Variants in C1QTNF7 observed in about 807,000 individuals in gnomAD.
C1QTNF7 encodes the protein complement C1q tumor necrosis factor-related protein 7.
A neutral mutation model predicts 19.6 loss-of-function variants in C1QTNF7; 15 were observed. The ratio of observed to expected loss-of-function variants is 0.76; its 90% CI spans 0.51 to 1.18. C1QTNF7 has a LOEUF of 1.18. Ranked by LOEUF, C1QTNF7 falls within the 50% of genes most tolerant of loss-of-function variation. The pLI, the probability that C1QTNF7 is intolerant of heterozygous loss-of-function variation, is 0.00. For synonymous variants in C1QTNF7, 142 were observed against 137.5 expected, an observed-to-expected ratio of 1.03 and a Z score of -0.23; for missense variants, 324 against 359.7, an observed-to-expected ratio of 0.90 and a Z score of 0.80.
intron 1 of C1QTNF7, among the ~76,000 whole-genome samples, chr4:15,414,409 A>G: frequency 6.6e-6 from 1 of 152,200 alleles, no homozygotes; most frequent in East Asian, 1.9e-4. Flanking sequence ...ACTTTTACAC[A>G]CACTATAACC....
At chr4:15,374,877 T>C in intron 1 of C1QTNF7, 1 of 565,874 alleles carries the variant, frequency 1.8e-6, no homozygotes, top group Non-Finnish European at 2.2e-6. Flanking sequence ...CTCTCTTTTT[T>C]TTTATGATGT....
rs907307451 is a variant in C1QTNF7, at chr4:15,444,827, T to C, written c.*2028T>C. The C allele has an allele frequency of 1.3e-5, 2 of 152,158 alleles. No individual in the cohort carries two copies. Among genetic ancestry groups the C allele is most frequent in the African/African-American group, 4.8e-5 (2 of 41,402 alleles). 9.4% of individuals were successfully genotyped at this position (152,158 alleles called of 1,614,324 possible). On this transcript the variant is annotated 3_prime_UTR_variant, in exon 3 of 3. Coordinates refer to ENST00000444304, the MANE Select transcript of C1QTNF7 (RefSeq NM_031911.5). Reference sequence around the variant, plus strand: ...AGCGCACTTGAGACAGAGGTAATGATGGGGACGAAGTGAGAACAGAGACCC... The same window carrying C: ...AGCGCACTTGAGACAGAGGTAATGACGGGGACGAAGTGAGAACAGAGACCC...
chr4:15,433,218 A>G (rs529183676), intron 1 of C1QTNF7, among the ~76,000 whole-genome samples: 3 of 152,022 alleles, frequency 2.0e-5, no homozygotes, highest in Non-Finnish European at 4.4e-5. Flanking sequence ...GGGTCTTGCT[A>G]TGTTGCCCAG....
upstream of C1QTNF7, among the ~76,000 whole-genome samples, chr4:15,424,446 C>G (rs542015973): frequency 4.1e-4 from 63 of 152,328 alleles, no homozygotes; most frequent in South Asian, 4.8e-3. Flanking sequence ...AATGCTGGCT[C>G]TTTCGGGGTG....
At chr4:15,356,632 T>A (rs937157568) in intron 1 of C1QTNF7, among the ~76,000 whole-genome samples, 9 of 152,228 alleles carry the variant, frequency 5.9e-5, no homozygotes, top group African/African-American at 1.9e-4. Flanking sequence ...GATTGCTGCA[T>A]CAAATGGTAT....
At chr4:15,417,481 A>C (rs1435792087) in intron 1 of C1QTNF7, among the ~76,000 whole-genome samples, 1 of 152,264 alleles carries the variant, frequency 6.6e-6, no homozygotes, top group Non-Finnish European at 1.5e-5. Context: ...TAATTTATAC[A>C]GAAAAGAGGT....
chr4:15,403,593 T>C (rs969660402), intron 1 of C1QTNF7, among the ~76,000 whole-genome samples: 20 of 152,192 alleles, frequency 1.3e-4, no homozygotes, highest in Non-Finnish European at 2.6e-4. Context: ...TTTCTCAGGA[T>C]ACATTGGATT....
chr4:15,374,083 G>A (rs936758254), intron 1 of C1QTNF7: 1 of 152,214 alleles, frequency 6.6e-6, no homozygotes, highest in African/African-American at 2.4e-5. Context: ...AAAAGATCGA[G>A]AGTCAGATCT....
intron 1 of C1QTNF7, chr4:15,374,787 T>C (rs1404344343): frequency 1.1e-6 from 1 of 943,054 alleles, no homozygotes; most frequent in Non-Finnish European, 1.2e-6. Context: ...AACAGCCCTC[T>C]CTCCATTGAT....
intron 1 of C1QTNF7, among the ~76,000 whole-genome samples, chr4:15,418,807 T>G (rs570570160): frequency 2.0e-5 from 3 of 152,302 alleles, no homozygotes; most frequent in African/African-American, 7.2e-5. Context: ...AGTAACCTTC[T>G]CCTGTGGTTG....
chr4:15,389,586 A>G (rs1037361407), intron 1 of C1QTNF7, among the ~76,000 whole-genome samples: 1 of 151,930 alleles, frequency 6.6e-6, no homozygotes, highest in Admixed American at 6.6e-5. Context: ...CACCCGGCTA[A>G]TTTTGTATTT....
intron 1 of C1QTNF7, among the ~76,000 whole-genome samples, chr4:15,432,685 G>A (rs549733255): frequency 1.1e-4 from 17 of 152,286 alleles, no homozygotes; most frequent in African/African-American, 4.1e-4. Context: ...GTGAGCCATC[G>A]TGCCCAGCCT....
rs1712904148 is a variant in C1QTNF7, at chr4:15,444,230, A to T, written c.*1431A>T. On this transcript the variant is annotated 3_prime_UTR_variant, in exon 3 of 3. Coordinates refer to ENST00000444304, the MANE Select transcript of C1QTNF7 (RefSeq NM_031911.5). ...TCTTATGTTTGAATCACCATGCTAG[A>T]TTCTGTGAAGACAGAAGAGTATCAA... The T allele has an allele frequency of 6.6e-6, 1 of 152,190 alleles. No individual in the cohort carries two copies. The highest frequency in any genetic ancestry group is 1.5e-5 in the Non-Finnish European group (1 of 68,034). The allele number at this position is 152,190 out of a possible 1,614,324, so 9.4% of individuals were successfully genotyped here.
intron 1 of C1QTNF7, among the ~76,000 whole-genome samples, chr4:15,401,858 C>G (rs1385270736): frequency 6.6e-6 from 1 of 151,792 alleles, no homozygotes; most frequent in Non-Finnish European, 1.5e-5. Flanking sequence ...AGATACCACA[C>G]GAAATGAGAA....
chr4:15,425,119 G>A (rs375986321), upstream of C1QTNF7, among the ~76,000 whole-genome samples: 22 of 152,000 alleles, frequency 1.4e-4, no homozygotes, highest in African/African-American at 2.9e-4. Flanking sequence ...ACAACTCCCC[G>A]GTTTGTAAGG....
Position 15,442,432 on chromosome 4 carries a change from A to G in C1QTNF7, c.503A>G (p.Asn168Ser). Reference protein sequence around the residue: ...YPEERLPIIFNKVLFNEGEHY... With the variant: ...YPEERLPIIFSKVLFNEGEHY... ...GAAGAAAGACTACCTATTATATTTAACAAGGTCCTCTTCAACGAGGGAGAG... is the reference window on the plus strand; with the variant it reads ...GAAGAAAGACTACCTATTATATTTAGCAAGGTCCTCTTCAACGAGGGAGAG... The change falls in exon 3 of 3, where the codon AAC becomes AGC. Residue 168 changes from asparagine (N) to serine (S), a missense_variant. By Grantham distance (46) the Asn-to-Ser change is conservative (BLOSUM62 1). Coordinates refer to ENST00000444304, the MANE Select transcript of C1QTNF7 (RefSeq NM_031911.5). 6.2e-7 allele frequency: 1 copy of G among 1,614,200 alleles called. No homozygotes were observed. Among genetic ancestry groups the G allele is most frequent in the Non-Finnish European group, 8.5e-7 (1 of 1,180,028 alleles).
intron 1 of C1QTNF7, among the ~76,000 whole-genome samples, chr4:15,357,019 T>G (rs1273510349): frequency 1.3e-5 from 2 of 151,998 alleles, no homozygotes; most frequent in African/African-American, 4.8e-5. Context: ...ATGGATAGAT[T>G]GCAAAAATTT....
rs1712920539 is a variant in C1QTNF7 at position 15,444,558 on chromosome 4, T to C, written c.*1759T>C. 1 of 152,104 alleles carries C rather than the reference T, an allele frequency of 6.6e-6. No individual in the cohort carries two copies. The highest frequency in any genetic ancestry group is 1.5e-5 in the Non-Finnish European group (1 of 68,024). The allele number at this position is 152,104 out of a possible 1,614,324, so 9.4% of individuals were successfully genotyped here. A position where few individuals can be genotyped will look rare whatever the true frequency, so the allele number is the denominator to read the frequency against. ...AGAGGGTGCAGGAGCCAGCTCTGAC[T>C]AGTAAATTTCTAAGGATACCAGAAA... On this transcript the variant is annotated 3_prime_UTR_variant, in exon 3 of 3. Coordinates refer to ENST00000444304, the MANE Select transcript of C1QTNF7 (RefSeq NM_031911.5).
rs931252072 is a variant in C1QTNF7 at position 15,384,840 on chromosome 4, T to C, written c.13+44633T>C. ...CAGCTGGCAGGCAGACCAGAGCAAGTAGTGGCCTCCGGGGAGTGGGGTTGC... is the reference window on the plus strand; with the variant it reads ...CAGCTGGCAGGCAGACCAGAGCAAGCAGTGGCCTCCGGGGAGTGGGGTTGC... On this transcript the variant is annotated intron_variant, in intron 1 of 2. Transcript: ENST00000295297. Among the ~76,000 whole-genome samples the C allele has an allele frequency of 2.0e-5, 3 of 152,048 alleles. No homozygotes were observed. In the South Asian group the frequency reaches 6.2e-4, roughly 32 times the overall value.
Sources: allele counts gnomAD v4.1 joint callset (sites outside exome capture counted in the v4.1 genomes callset), GRCh38; gene constraint gnomAD v4.1.1; transcripts MANE v1.5; gene names NCBI Gene and HGNC (gene_info 2026-07-23, HGNC 2026-07-21).